Variants in LRMDA observed in about 807,000 individuals in gnomAD.
The protein encoded by LRMDA is leucine rich melanocyte differentiation associated, also known as leucine-rich melanocyte differentiation-associated protein.
A neutral mutation model predicts 29.8 loss-of-function variants in LRMDA; 18 were observed. That is an observed-to-expected ratio of 0.60 (90% confidence interval 0.42 to 0.90). The LOEUF is 0.90. Ranked by LOEUF, LRMDA falls within the 40% of genes least tolerant of loss-of-function variation. The pLI is 0.00. For synonymous variants in LRMDA, 125 were observed against 109.4 expected (o/e 1.14, Z -0.89); for missense variants, 273 against 273.9 (o/e 1.00, Z 0.02).
At chr10:76,542,645 A>C (rs1843370904) in intron 6 of LRMDA, among the ~76,000 whole-genome samples, 1 of 152,330 alleles carries the variant, frequency 6.6e-6, no homozygotes, top group Non-Finnish European at 1.5e-5. Flanking sequence ...GCACAACATT[A>C]TTACCTTGAT....
At chr10:75,692,526 T>C (rs1464507550) in intron 2 of LRMDA, among the ~76,000 whole-genome samples, 1 of 150,538 alleles carries the variant, frequency 6.6e-6, no homozygotes, top group African/African-American at 2.4e-5. Flanking sequence ...TATACACATA[T>C]GCGTATGTAT....
intron 2 of LRMDA, among the ~76,000 whole-genome samples, chr10:75,672,563 CCCCTTCCCTTCCCTTCCCTT>C (rs1170985685): frequency 1.8e-4 from 2 of 10,882 alleles, no homozygotes; most frequent in Non-Finnish European, 3.4e-4. Flanking sequence ...CCCCTCCCCT[CCCCTTCCCTTCCCTTCCCTT>C]CCCTGCTTTT....
intron 2 of LRMDA, among the ~76,000 whole-genome samples, chr10:75,751,825 TA>T: frequency 6.6e-6 from 1 of 152,304 alleles, no homozygotes; most frequent in South Asian, 2.1e-4. Context: ...GGTAGTACCT[TA>T]GTGGAGGCCT....
chr10:76,526,766 A>G (rs1231626673), intron 6 of LRMDA, among the ~76,000 whole-genome samples: 1 of 143,280 alleles, frequency 7.0e-6, no homozygotes. Flanking sequence ...CTCATTGTTC[A>G]ATTCCCACCT....
At chr10:76,326,744 A>C (rs116756048) in intron 6 of LRMDA, among the ~76,000 whole-genome samples, 1 of 152,314 alleles carries the variant, frequency 6.6e-6, no homozygotes, top group African/African-American at 2.4e-5. Context: ...AATGTCAACT[A>C]TGATAGGTCC....
intron 5 of LRMDA, among the ~76,000 whole-genome samples, chr10:76,097,318 G>A (rs971468060): frequency 6.6e-6 from 1 of 152,136 alleles, no homozygotes; most frequent in Non-Finnish European, 1.5e-5. Context: ...GCTTCATGTT[G>A]CTTTTAAATA....
intron 2 of LRMDA, among the ~76,000 whole-genome samples, chr10:75,771,721 C>A (rs1843243581): frequency 6.6e-6 from 1 of 152,028 alleles, no homozygotes; most frequent in Non-Finnish European, 1.5e-5. Context: ...TTTCCTTATA[C>A]CTTCCAGTTC....
intron 5 of LRMDA, among the ~76,000 whole-genome samples, chr10:76,073,035 C>A (rs536425109): frequency 2.0e-5 from 3 of 152,158 alleles, no homozygotes; most frequent in Non-Finnish European, 4.4e-5. Flanking sequence ...TACCACCCCC[C>A]ACAAACCTCC....
intron 2 of LRMDA, among the ~76,000 whole-genome samples, chr10:75,940,792 G>A (rs772836608): frequency 2.0e-4 from 31 of 151,954 alleles, no homozygotes; most frequent in Admixed American, 7.2e-4. Context: ...GTGCGCGCGC[G>A]TGTGTGTGTG....
chr10:76,468,448 A>G (rs1471468689), intron 6 of LRMDA, among the ~76,000 whole-genome samples: 3 of 152,176 alleles, frequency 2.0e-5, no homozygotes, highest in African/African-American at 4.8e-5. Context: ...GTTGGAGGAT[A>G]TTTCTGTTTT....
rs1009460476 is a variant in LRMDA at position 75,640,780 on chromosome 10, T to TAAACA, written c.131+202305_131+202309dup. Reference sequence around the variant, plus strand: ...TTGAGTTCAAAGGGAAGCTTTTTTTTAAACAAAACAAAACAAAACAAAAAC... The same window carrying TAAACA: ...TTGAGTTCAAAGGGAAGCTTTTTTTTAAACAAAACAAAACAAAACAAAACAAAAAC... On this transcript the variant is annotated intron_variant, in intron 2 of 6. Coordinates refer to ENST00000611255, the MANE Select transcript of LRMDA (RefSeq NM_001305581.2). Among the ~76,000 whole-genome samples the TAAACA allele has an allele frequency of 1.1e-4, 17 of 152,074 alleles. No individual in the cohort carries two copies. In the East Asian group the frequency reaches 1.5e-3, roughly 14 times the overall value.
At chr10:75,585,681 A>T (rs1195712808) in intron 2 of LRMDA, among the ~76,000 whole-genome samples, 1 of 152,216 alleles carries the variant, frequency 6.6e-6, no homozygotes, top group African/African-American at 2.4e-5. Flanking sequence ...TATTGTGGTA[A>T]GAACATTTAA....
chr10:75,481,141 A>C (rs1844852100), intron 2 of LRMDA, among the ~76,000 whole-genome samples: 1 of 152,074 alleles, frequency 6.6e-6, no homozygotes, highest in South Asian at 2.1e-4. Flanking sequence ...TTGAGAGTGA[A>C]GTCTCAGAAG....
At chr10:75,918,490 G>A (rs1845972253) in intron 2 of LRMDA, among the ~76,000 whole-genome samples, 1 of 152,062 alleles carries the variant, frequency 6.6e-6, no homozygotes, top group South Asian at 2.1e-4. Flanking sequence ...CAAATAACCA[G>A]ATCTCGCAGG....
At chr10:76,323,978 G>C in intron 5 of LRMDA, among the ~76,000 whole-genome samples, 1 of 152,170 alleles carries the variant, frequency 6.6e-6, no homozygotes, top group Admixed American at 6.5e-5. Context: ...GTCAGCCCTG[G>C]TTTTCCCCAT....
At chr10:75,586,575 A>C (rs1840658741) in intron 2 of LRMDA, among the ~76,000 whole-genome samples, 1 of 151,984 alleles carries the variant, frequency 6.6e-6, no homozygotes, top group African/African-American at 2.4e-5. Context: ...CCTGAGCTCA[A>C]GCAATTCACC....
intron 5 of LRMDA, among the ~76,000 whole-genome samples, chr10:76,281,113 G>A (rs1337812968): frequency 1.3e-5 from 2 of 152,132 alleles, no homozygotes; most frequent in African/African-American, 2.4e-5. Flanking sequence ...TTCTGCTCGT[G>A]GTAGAATGAC....
chr10:75,474,282 T>C (rs934665347), intron 2 of LRMDA, among the ~76,000 whole-genome samples: 8 of 152,222 alleles, frequency 5.3e-5, no homozygotes, highest in African/African-American at 1.9e-4. Context: ...TGTGTCTCAG[T>C]TGGGCTGCTA....
intron 2 of LRMDA, among the ~76,000 whole-genome samples, chr10:75,483,808 C>G (rs1029073115): frequency 2.3e-5 from 3 of 132,794 alleles, no homozygotes; most frequent in Admixed American, 7.7e-5. Flanking sequence ...TTGCTTCTTT[C>G]TAATTTTTAT....
Sources: gnomAD v4.1 joint callset for allele counts (sites outside exome capture counted in the v4.1 genomes callset) on GRCh38, gnomAD v4.1.1 for gene constraint, MANE v1.5 for transcripts, NCBI Gene and HGNC (gene_info 2026-07-23, HGNC 2026-07-21) for gene names.